The following PRTG variants were observed in gnomAD, a reference collection of about 807,000 sequenced individuals.
PRTG encodes the protein immunoglobulin superfamily, DCC subclass, member 5.
In PRTG, 67 loss-of-function variants were observed where a neutral mutation model predicts 122.5. The ratio of observed to expected loss-of-function variants is 0.55; its 90% CI spans 0.45 to 0.67. The LOEUF is 0.67. Ranked by LOEUF, PRTG falls within the 30% of genes least tolerant of loss-of-function variation. PRTG has a pLI of 0.00. For missense variants in PRTG, 1,435 were observed against 1,415.4 expected (o/e 1.01, Z -0.22); for synonymous variants, 554 against 501.1 (o/e 1.11, Z -1.41).
intron 2 of PRTG, among the ~76,000 whole-genome samples, chr15:55,695,126 G>GA (rs548676310): frequency 1.7e-3 from 255 of 149,888 alleles, no homozygotes; most frequent in African/African-American, 5.8e-3. Flanking sequence ...TTTATAGTCA[G>GA]AAAAAAAAAC....
intron 11 of PRTG, among the ~76,000 whole-genome samples, chr15:55,642,603 A>C (rs1454608168): frequency 4.0e-4 from 60 of 151,606 alleles, no homozygotes; most frequent in Admixed American, 1.6e-3. Flanking sequence ...ATCTCAAAAA[A>C]AAAAAAAAAA....
chr15:55,737,915 A>G (rs1208662286), intron 2 of PRTG, among the ~76,000 whole-genome samples: 1 of 151,058 alleles, frequency 6.6e-6, no homozygotes, highest in Non-Finnish European at 1.5e-5. Flanking sequence ...TCAATACCTA[A>G]AAGAGAACTA....
At position 55,682,392 on chromosome 15, in the gene PRTG, A is replaced by G; in HGVS notation, c.648T>C (p.Ser216=). 2 of 1,604,270 alleles carry G rather than the reference A, an allele frequency of 1.2e-6. No homozygotes were observed. Among genetic ancestry groups the G allele is most frequent in the Non-Finnish European group, 8.5e-7 (1 of 1,174,328 alleles). The change falls in exon 4 of 20, where the codon AGT becomes AGC. Residue 216 remains serine (S), a synonymous_variant. Transcript: ENST00000389286. The stretch of plus-strand genomic sequence containing the variant: ...GAATCACAGTTAGCGAGGCCTCCAT[A>G]CTTTTACGTCGGTGGGCTACAGTGG... ...IAATVAHRRK[S]MEASLTVIPA...
chr15:55,730,393 C>A (rs1389658988), intron 2 of PRTG, among the ~76,000 whole-genome samples: 4 of 152,026 alleles, frequency 2.6e-5, no homozygotes, highest in Non-Finnish European at 5.9e-5. Context: ...TGTGCCACAG[C>A]ACCTGGCCGT....
chr15:55,734,819 G>A (rs1053753021), intron 2 of PRTG, among the ~76,000 whole-genome samples: 1 of 152,136 alleles, frequency 6.6e-6, no homozygotes, highest in Admixed American at 6.6e-5. Flanking sequence ...ACCTTTGTGA[G>A]GATGACGCCT....
At position 55,675,678 on chromosome 15, in the gene PRTG, T is replaced by G. The variant is rs772240827; in HGVS notation, c.1387A>C (p.Asn463His). The G allele has an allele frequency of 6.5e-7, 1 of 1,544,788 alleles. No individual in the cohort carries two copies. Among genetic ancestry groups the G allele is most frequent in the Non-Finnish European group, 8.9e-7 (1 of 1,124,626 alleles). ...SVHYMKAEGL[N>H]NEEYQVVIGN... ...ATGACTACTTGATACTCTTCATTAT[T>G]TAAACCTAAATTAAAGAATCCATGT... Residue 463 changes from asparagine to histidine, a missense_variant, in exon 9 of 20, where the codon AAT becomes CAT. Coordinates refer to ENST00000389286, the MANE Select transcript of PRTG (RefSeq NM_173814.6).
In PRTG at chr15:55,637,161, G is replaced by A. The variant is rs759986660; in HGVS notation, c.2623+9C>T. 1.3e-6 allele frequency: 2 copies of A among 1,509,078 alleles called. No homozygotes were observed. Among genetic ancestry groups the A allele is most frequent in the East Asian group, 2.4e-5 (1 of 42,526 alleles). The allele number at this position is 1,509,078 out of a possible 1,614,324, so 93.5% of individuals were successfully genotyped here. A position where few individuals can be genotyped will look rare whatever the true frequency, so the allele number is the denominator to read the frequency against. ...CTTTTCACCCTTCATGGCAATTTAT[G>A]ATATTTACCTTCACGGTGTAAGACC... On this transcript the variant is annotated intron_variant, in intron 15 of 19. Transcript: ENST00000389286.
chr15:55,628,862 T>C lies in PRTG; in HGVS notation c.2766A>G (p.Ser922=), dbSNP rs996020568. The change falls in exon 16 of 20, where the codon TCA becomes TCG. Residue 922 remains serine (S), a synonymous_variant. Coordinates refer to ENST00000389286, the MANE Select transcript of PRTG (RefSeq NM_173814.6). Reference sequence around the variant, plus strand: ...AATCTAAACGCTTGGGCCTCTGATTTGATTCAGAGGTTTCCTTTGGAAGTA... The same window carrying C: ...AATCTAAACGCTTGGGCCTCTGATTCGATTCAGAGGTTTCCTTTGGAAGTA... ...LAVLPKETSE[S]NQRPKRLDSA... is the part of the protein sequence containing the mutation. The C allele has an allele frequency of 1.2e-6, 2 of 1,614,002 alleles. No homozygotes were observed. The highest frequency in any genetic ancestry group is 2.2e-5 in the East Asian group (1 of 44,886).
At chr15:55,677,696 T>C in intron 8 of PRTG, 101 bp downstream of exon 8, 1 of 1,125,422 alleles carries the variant, frequency 8.9e-7, no homozygotes, top group East Asian at 2.4e-5. Context: ...GCCACCAAAT[T>C]TCAAAAATAT....
chr15:55,633,089 AG>A (rs2059236749), intron 15 of PRTG, among the ~76,000 whole-genome samples: 1 of 152,170 alleles, frequency 6.6e-6, no homozygotes, highest in South Asian at 2.1e-4. Context: ...TTTTTGAAAG[AG>A]GGGCATCTTT....
At chr15:55,736,796 TTA>T (rs2031426866) in intron 2 of PRTG, among the ~76,000 whole-genome samples, 1 of 152,168 alleles carries the variant, frequency 6.6e-6, no homozygotes. Flanking sequence ...TAAGCTAGCT[TTA>T]TGTTCTTTTT....
chr15:55,678,928 T>C (rs962143901), intron 7 of PRTG, among the ~76,000 whole-genome samples: 2 of 152,238 alleles, frequency 1.3e-5, no homozygotes, highest in Non-Finnish European at 2.9e-5. Flanking sequence ...TTTCTTCTAA[T>C]TTCCTCATTT....
chr15:55,742,582 C>A (rs1275885246), intron 1 of PRTG: 6 of 461,278 alleles, frequency 1.3e-5, no homozygotes, highest in East Asian at 1.1e-4. Flanking sequence ...CAGCCACGGG[C>A]GCGCGGCGCG....
At position 55,617,007 on chromosome 15, in the gene PRTG, T is replaced by A. The variant is rs2059144588; in HGVS notation, c.*3005A>T. 6.6e-6 allele frequency: 1 copy of A among 152,096 alleles called. No homozygotes were observed. The highest frequency in any genetic ancestry group is 2.4e-5 in the African/African-American group (1 of 41,438). 9.4% of individuals were successfully genotyped at this position (152,096 alleles called of 1,614,324 possible). ...GGTATCAGTACTTACAGCAAATACA[T>A]CTTTGGAAAAGAAAATAGTTACCAT... On this transcript the variant is annotated 3_prime_UTR_variant, in exon 20 of 20. Transcript: ENST00000389286.
At chr15:55,679,972 G>A (rs985294299) in intron 6 of PRTG, 82 bp downstream of exon 6, 27 of 1,113,840 alleles carry the variant, frequency 2.4e-5, no homozygotes, top group Non-Finnish European at 3.1e-5. Flanking sequence ...CAAAGCTCAA[G>A]AAAGAAGTAA....
At chr15:55,698,579 C>T (rs2059644386) in intron 2 of PRTG, among the ~76,000 whole-genome samples, 1 of 152,162 alleles carries the variant, frequency 6.6e-6, no homozygotes, top group Non-Finnish European at 1.5e-5. Flanking sequence ...GCATGAGCTG[C>T]CACGCTCAGC....
chr15:55,707,005 T>G (rs144420799), intron 2 of PRTG, among the ~76,000 whole-genome samples: 8 of 152,328 alleles, frequency 5.3e-5, no homozygotes, highest in Non-Finnish European at 1.2e-4. Flanking sequence ...GACGCCCAGG[T>G]GACTTGCATG....
At chr15:55,703,410 T>A (rs2141843562) in intron 2 of PRTG, among the ~76,000 whole-genome samples, 1 of 152,170 alleles carries the variant, frequency 6.6e-6, no homozygotes, top group South Asian at 2.1e-4. Flanking sequence ...GAGCCCACCC[T>A]AACGAGATCA....
At chr15:55,681,655 T>C (rs999505004) in intron 4 of PRTG, among the ~76,000 whole-genome samples, 2 of 152,208 alleles carry the variant, frequency 1.3e-5, no homozygotes, top group African/African-American at 4.8e-5. Context: ...TATTTTCTAT[T>C]TTCATAAACA....
Sources: allele counts gnomAD v4.1 joint callset (sites outside exome capture counted in the v4.1 genomes callset), GRCh38; gene constraint gnomAD v4.1.1; transcripts MANE v1.5; gene names NCBI Gene and HGNC (gene_info 2026-07-23, HGNC 2026-07-21).